The following FTO variants were observed in gnomAD, a reference collection of about 807,000 sequenced individuals.
FTO encodes the protein FTO alpha-ketoglutarate dependent dioxygenase.
A neutral mutation model predicts 63.9 loss-of-function variants in FTO; 47 were observed. That is an observed-to-expected ratio of 0.74 (90% confidence interval 0.58 to 0.94). The LOEUF (loss-of-function observed/expected upper bound fraction) is 0.94, where lower values mean the gene tolerates loss of function less well. Among genes scored for constraint, FTO ranks in the 40% least tolerant of loss-of-function variants. The pLI is 0.00. For missense variants in FTO, 562 were observed against 618.1 expected, an observed-to-expected ratio of 0.91 and a Z score of 0.96; for synonymous variants, 207 against 224.4, an observed-to-expected ratio of 0.92 and a Z score of 0.69.
chr16:53,974,704 T>C (rs1273352265), intron 8 of FTO, among the ~76,000 whole-genome samples: 1 of 152,222 alleles, frequency 6.6e-6, no homozygotes, highest in South Asian at 2.1e-4. Flanking sequence ...GTCACTGACA[T>C]TTTGTGAACA....
At chr16:53,899,144 A>AGG (rs1474873635) in intron 7 of FTO, among the ~76,000 whole-genome samples, 1 of 152,230 alleles carries the variant, frequency 6.6e-6, no homozygotes, top group African/African-American at 2.4e-5. Flanking sequence ...GAGGGCACAG[A>AGG]GGACAGTCTT....
At chr16:53,900,714 A>C (rs2081385483) in intron 7 of FTO, among the ~76,000 whole-genome samples, 1 of 145,502 alleles carries the variant, frequency 6.9e-6, no homozygotes, top group Non-Finnish European at 1.5e-5. Flanking sequence ...TAAGTAATTC[A>C]GAGGAAGAAA....
At chr16:53,790,806 G>A (rs1426474445) in intron 1 of FTO, among the ~76,000 whole-genome samples, 1 of 152,144 alleles carries the variant, frequency 6.6e-6, no homozygotes, top group African/African-American at 2.4e-5. Flanking sequence ...AAGGAAGAAT[G>A]TTTTGTAGAG....
intron 7 of FTO, among the ~76,000 whole-genome samples, chr16:53,891,701 G>A (rs538801540): frequency 1.3e-5 from 2 of 152,292 alleles, no homozygotes; most frequent in African/African-American, 4.8e-5. Context: ...ATTTGGTATT[G>A]TGAGCTTACA....
chr16:53,827,479 T>C (rs1318208194), intron 3 of FTO, among the ~76,000 whole-genome samples: 2 of 152,234 alleles, frequency 1.3e-5, no homozygotes, highest in Non-Finnish European at 2.9e-5. Flanking sequence ...CATTATTTTC[T>C]GACAACTCTA....
chr16:53,774,003 C>T (rs950037438), intron 1 of FTO, among the ~76,000 whole-genome samples: 2 of 152,102 alleles, frequency 1.3e-5, no homozygotes, highest in Non-Finnish European at 2.9e-5. Context: ...TTTCCATGGT[C>T]GTAAGTTCGG....
intron 8 of FTO, among the ~76,000 whole-genome samples, chr16:53,982,896 A>G (rs568198460): frequency 6.6e-5 from 10 of 152,292 alleles, no homozygotes; most frequent in Non-Finnish European, 1.5e-4. Context: ...TTTTTTATGA[A>G]GGAAATAAAT....
chr16:53,767,073 G>C (rs1432944820), intron 1 of FTO, among the ~76,000 whole-genome samples: 1 of 152,094 alleles, frequency 6.6e-6, no homozygotes, highest in African/African-American at 2.4e-5. Flanking sequence ...GAATTTGTAG[G>C]GTAGTCTCCC....
chr16:53,899,243 T>A (rs79074287), intron 7 of FTO, among the ~76,000 whole-genome samples: 2 of 142,732 alleles, frequency 1.4e-5, no homozygotes, highest in East Asian at 2.1e-4. Flanking sequence ...TTTTTTTTTT[T>A]AATGAGAGGC....
chr16:53,980,264 G>A (rs1257339001), intron 8 of FTO, among the ~76,000 whole-genome samples: 5 of 152,178 alleles, frequency 3.3e-5, no homozygotes, highest in East Asian at 1.9e-4. Context: ...TCCTTTTACC[G>A]AACAATTGTG....
At chr16:54,060,950 A>T (rs1031582974) in intron 8 of FTO, among the ~76,000 whole-genome samples, 1 of 152,230 alleles carries the variant, frequency 6.6e-6, no homozygotes, top group Non-Finnish European at 1.5e-5. Flanking sequence ...CAATGATGAG[A>T]TAACCATTTT....
At chr16:54,077,185 T>C (rs1224245743) in intron 8 of FTO, among the ~76,000 whole-genome samples, 2 of 152,230 alleles carry the variant, frequency 1.3e-5, no homozygotes, top group African/African-American at 4.8e-5. Flanking sequence ...ATAAGCATTC[T>C]TTATTAGATT....
At chr16:53,894,576 A>C (rs937717411) in intron 7 of FTO, among the ~76,000 whole-genome samples, 1 of 152,118 alleles carries the variant, frequency 6.6e-6, no homozygotes, top group Non-Finnish European at 1.5e-5. Context: ...GAAGAAAGTG[A>C]TGGAAATATA....
chr16:53,873,982 CT>C, intron 5 of FTO, 117 bp downstream of exon 5: 1 of 769,724 alleles, frequency 1.3e-6, no homozygotes, highest in Non-Finnish European at 2.3e-6. Context: ...TTCCATCTAA[CT>C]TGACTTTCGT....
intron 1 of FTO, among the ~76,000 whole-genome samples, chr16:53,728,590 T>A (rs1369558307): frequency 6.6e-6 from 1 of 152,132 alleles, no homozygotes; most frequent in Non-Finnish European, 1.5e-5. Context: ...AAATAATGAC[T>A]TTTTGATAGT....
chr16:54,008,805 AAATAATAAT>A (rs142826263), intron 8 of FTO, among the ~76,000 whole-genome samples: 4,320 of 140,910 alleles, frequency 0.031, 81 homozygotes, highest in Non-Finnish European at 0.034. Flanking sequence ...CTGTCTCCAC[AAATAATAAT>A]AATAATAATA....
At chr16:54,065,259 G>A (rs1167064907) in intron 8 of FTO, among the ~76,000 whole-genome samples, 1 of 151,922 alleles carries the variant, frequency 6.6e-6, no homozygotes, top group Non-Finnish European at 1.5e-5. Flanking sequence ...CTAGGCTTGA[G>A]CCTTCTTCTG....
chr16:54,082,000 G>A (rs1221915296), intron 8 of FTO, among the ~76,000 whole-genome samples: 4 of 152,150 alleles, frequency 2.6e-5, no homozygotes. Flanking sequence ...ATTTTCCTCA[G>A]CATCTACCGC....
chr16:53,914,458 A>G (rs889844676), intron 7 of FTO, among the ~76,000 whole-genome samples: 5 of 152,106 alleles, frequency 3.3e-5, no homozygotes, highest in Non-Finnish European at 7.4e-5. Flanking sequence ...TTAAAAATAC[A>G]AACTATTTTT....
Sources: allele counts gnomAD v4.1 joint callset (sites outside exome capture counted in the v4.1 genomes callset), GRCh38; gene constraint gnomAD v4.1.1; transcripts MANE v1.5; gene names NCBI Gene and HGNC (gene_info 2026-07-23, HGNC 2026-07-21).